The following MIPEP variants were observed in gnomAD, a reference collection of about 807,000 sequenced individuals.
MIPEP encodes the protein mitochondrial intermediate peptidase.
A neutral mutation model predicts 90.3 loss-of-function variants in MIPEP; 79 were observed. The ratio of observed to expected loss-of-function variants is 0.87; its 90% confidence interval spans 0.73 to 1.05. The LOEUF is 1.05. MIPEP is among the 50% of genes least tolerant of loss of function. The pLI is 0.00. For synonymous variants in MIPEP, 334 were observed against 315.8 expected, an observed-to-expected ratio of 1.06 and a Z score of -0.61; for missense variants, 940 against 905.6, an observed-to-expected ratio of 1.04 and a Z score of -0.49.
At chr13:23,866,535 A>T (rs1870541767) in intron 7 of MIPEP, among the ~76,000 whole-genome samples, 1 of 152,120 alleles carries the variant, frequency 6.6e-6, no homozygotes, top group Non-Finnish European at 1.5e-5. Flanking sequence ...CCACAGCATG[A>T]GTCAGCTGAT....
intron 4 of MIPEP, among the ~76,000 whole-genome samples, chr13:23,877,569 T>C (rs546571645): frequency 2.0e-5 from 3 of 152,322 alleles, no homozygotes; most frequent in South Asian, 2.1e-4. Context: ...AATACATTGA[T>C]ACATCAGATT....
At position 23,881,592 on chromosome 13, in the gene MIPEP, T is replaced by C. The variant is rs1871270474; in HGVS notation, c.452+107A>G. ...CCCTGGTCACACACACCTCCCACCC[T>C]GCTGGGTGAGGGACAAGCGCTATGG... On this transcript the variant is annotated intron_variant, in intron 3 of 18. Transcript: ENST00000382172. The C allele has an allele frequency of 4.3e-6, 4 of 939,222 alleles. No individual in the cohort carries two copies. The African/African-American group carries it at 4.9e-5, about 11-fold the overall frequency. 58.2% of individuals were successfully genotyped at this position (939,222 alleles called of 1,614,324 possible).
intron 10 of MIPEP, among the ~76,000 whole-genome samples, chr13:23,847,385 T>C (rs1468967755): frequency 6.6e-6 from 1 of 150,728 alleles, no homozygotes; most frequent in Non-Finnish European, 1.5e-5. Flanking sequence ...TGAGGGTATG[T>C]GTTGAAGAAA....
intron 14 of MIPEP, among the ~76,000 whole-genome samples, chr13:23,810,210 A>C (rs1203906089): frequency 6.6e-6 from 1 of 152,132 alleles, no homozygotes; most frequent in Non-Finnish European, 1.5e-5. Flanking sequence ...TCTATTTAAA[A>C]CCTCAAAGGG....
chr13:23,841,087 G>A (rs1392505548), intron 11 of MIPEP, among the ~76,000 whole-genome samples: 1 of 152,182 alleles, frequency 6.6e-6, no homozygotes, highest in Non-Finnish European at 1.5e-5. Context: ...ATATGAAGGT[G>A]CATATATATT....
chr13:23,803,111 C>T (rs978625024), intron 16 of MIPEP, among the ~76,000 whole-genome samples: 11 of 152,092 alleles, frequency 7.2e-5, no homozygotes, highest in African/African-American at 2.7e-4. Flanking sequence ...TGCCTGTAAT[C>T]CTCAGCCTTG....
At chr13:23,796,892 A>C (rs1281531358) in intron 16 of MIPEP, among the ~76,000 whole-genome samples, 2 of 152,204 alleles carry the variant, frequency 1.3e-5, no homozygotes, top group African/African-American at 2.4e-5. Flanking sequence ...CAAATTACAC[A>C]TAAGTTATAT....
intron 18 of MIPEP, among the ~76,000 whole-genome samples, chr13:23,746,382 T>G (rs1952383867): frequency 6.6e-6 from 1 of 151,488 alleles, no homozygotes; most frequent in African/African-American, 2.4e-5. Flanking sequence ...GCCTGTAATC[T>G]CAGCACTTTG....
Position 23,805,971 on chromosome 13 carries a change from G to C in MIPEP, c.1827C>G (p.Gly609=). 6.2e-7 allele frequency: 1 copy of C among 1,613,956 alleles called. No individual in the cohort carries two copies. The highest frequency in any genetic ancestry group is 8.5e-7 in the Non-Finnish European group (1 of 1,179,894). Residue 609 remains glycine (G), a synonymous_variant, in exon 16 of 19, where the codon GGC becomes GGG. Coordinates refer to ENST00000382172, the MANE Select transcript of MIPEP (RefSeq NM_005932.4). ...TCACAGTATTTGGAACATATGGTAG[G>C]CCATAGAATTTCTCTTGTGTTTCCT... ...ILKETQEKFY[G]LPYVPNTAWQ... is the part of the protein sequence containing the mutation.
chr13:23,831,389 G>GGGGT (rs1566009699), intron 14 of MIPEP, among the ~76,000 whole-genome samples: 2 of 144,558 alleles, frequency 1.4e-5, no homozygotes, highest in African/African-American at 5.1e-5. Flanking sequence ...ATGGCGGGGG[G>GGGGT]GGGATGTGGA....
At chr13:23,763,447 G>C (rs935378559) in intron 16 of MIPEP, among the ~76,000 whole-genome samples, 8 of 152,210 alleles carry the variant, frequency 5.3e-5, no homozygotes, top group African/African-American at 1.9e-4. Flanking sequence ...TGATTTGCCA[G>C]AACTAGTTTG....
At chr13:23,847,653 G>A (rs1451862842) in intron 10 of MIPEP, among the ~76,000 whole-genome samples, 1 of 152,216 alleles carries the variant, frequency 6.6e-6, no homozygotes, top group Middle Eastern at 3.4e-3. Flanking sequence ...AGGACTGGGG[G>A]AAGTTCGGCA....
At chr13:23,782,885 A>C (rs1952795326) in intron 16 of MIPEP, among the ~76,000 whole-genome samples, 1 of 152,122 alleles carries the variant, frequency 6.6e-6, no homozygotes, top group Non-Finnish European at 1.5e-5. Flanking sequence ...TGACACATAC[A>C]CTCTCCCAAG....
intron 18 of MIPEP, among the ~76,000 whole-genome samples, chr13:23,746,794 G>A (rs1593129482): frequency 6.6e-6 from 1 of 152,094 alleles, no homozygotes; most frequent in African/African-American, 2.4e-5. Flanking sequence ...TCTAAAAATG[G>A]AATCATTAGT....
At chr13:23,763,843 T>C (rs1451286330) in intron 16 of MIPEP, among the ~76,000 whole-genome samples, 1 of 152,186 alleles carries the variant, frequency 6.6e-6, no homozygotes, top group Non-Finnish European at 1.5e-5. Flanking sequence ...ATAAATTATC[T>C]CCACCTGACA....
At chr13:23,884,818 C>T (rs1406735660) in intron 2 of MIPEP, among the ~76,000 whole-genome samples, 1 of 152,212 alleles carries the variant, frequency 6.6e-6, no homozygotes, top group African/African-American at 2.4e-5. Flanking sequence ...ACGTGCTCAA[C>T]ATTGACTGAA....
At chr13:23,807,091 G>A (rs1031636167) in intron 15 of MIPEP, among the ~76,000 whole-genome samples, 14 of 152,242 alleles carry the variant, frequency 9.2e-5, no homozygotes, top group African/African-American at 3.4e-4. Context: ...TAGATGACCA[G>A]GGGAAAAGGA....
chr13:23,888,789 C>A lies in MIPEP; in HGVS notation c.189+343G>T, dbSNP rs556703100. On this transcript the variant is annotated intron_variant, in intron 1 of 18. Coordinates refer to ENST00000382172, the MANE Select transcript of MIPEP (RefSeq NM_005932.4). ...GGACTGTAGCGCTGGAGCTAAAGGG[C>A]TTTAGCAGGGGTGCGCCTGAGTGTA... 3.8e-4 allele frequency: 401 copies of A among 1,067,220 alleles called. 2 individuals are homozygous for A. The African/African-American group carries it at 6.2e-3, about 17-fold the overall frequency. 66.1% of individuals were successfully genotyped at this position (1,067,220 alleles called of 1,614,324 possible).
intron 17 of MIPEP, among the ~76,000 whole-genome samples, chr13:23,757,767 G>T (rs1163441981): frequency 6.6e-6 from 1 of 152,172 alleles, no homozygotes; most frequent in Admixed American, 6.5e-5. Context: ...AAGGAACGCT[G>T]TTAATGACAA....
Sources: gnomAD v4.1 joint callset for allele counts (sites outside exome capture counted in the v4.1 genomes callset) on GRCh38, gnomAD v4.1.1 for gene constraint, MANE v1.5 for transcripts, NCBI Gene and HGNC (gene_info 2026-07-23, HGNC 2026-07-21) for gene names.